Variants in PCDHGC5 observed in about 807,000 individuals in gnomAD.
The protein encoded by PCDHGC5 is protocadherin gamma-C5.
PCDHGC5 carries 25 observed loss-of-function variants against 59.0 expected under a neutral mutation model. That is an observed-to-expected ratio of 0.42 (90% CI 0.31 to 0.59). PCDHGC5 has a LOEUF of 0.59. Among genes scored for constraint, PCDHGC5 ranks in the 20% least tolerant of loss-of-function variants. PCDHGC5 has a pLI of 0.13. For missense variants in PCDHGC5, 1,067 were observed against 1,206.4 expected, an observed-to-expected ratio of 0.88 and a Z score of 1.71; for synonymous variants, 434 against 505.5, an observed-to-expected ratio of 0.86 and a Z score of 1.90.
chr5:141,506,109 A>G (rs1027886504), intron 3 of PCDHGC5, among the ~76,000 whole-genome samples: 5 of 152,126 alleles, frequency 3.3e-5, no homozygotes, highest in Middle Eastern at 3.2e-3. Flanking sequence ...GTCCCTGAAG[A>G]GTCACTAGGG....
At chr5:141,507,084 T>G (rs2099858284) in intron 3 of PCDHGC5, 1 of 152,142 alleles carries the variant, frequency 6.6e-6, no homozygotes, top group African/African-American at 2.4e-5. Flanking sequence ...ACTCCTAAGT[T>G]TATGCTCTTT....
intron 2 of PCDHGC5, among the ~76,000 whole-genome samples, chr5:141,498,949 AAGAG>A (rs1417276243): frequency 1.3e-4 from 18 of 133,552 alleles, no homozygotes; most frequent in African/African-American, 1.9e-4. Context: ...AAGAAAGAAA[AAGAG>A]AGAGAGGGAG....
Position 141,491,755 on chromosome 5 carries a change from G to A in PCDHGC5, c.2460+55G>A. On this transcript the variant is annotated intron_variant, in intron 1 of 3. Transcript: ENST00000252087. This position sits in a 1 kb window ranked among gnomAD's most constrained non-coding sequence, Gnocchi z 6.9. Reference sequence around the variant, plus strand: ...CCCTGGGGGCGGCACTGGAGAAGCCGCCCGTCCTCATAAGGGATTGAACTT... The same window carrying A: ...CCCTGGGGGCGGCACTGGAGAAGCCACCCGTCCTCATAAGGGATTGAACTT... 6 of 1,582,196 alleles carry A rather than the reference G, an allele frequency of 3.8e-6. No individual in the cohort carries two copies. The highest frequency in any genetic ancestry group is 5.1e-6 in the Non-Finnish European group (6 of 1,165,450).
At position 141,495,009 on chromosome 5, in the gene PCDHGC5, G is replaced by A; in HGVS notation, c.2519+144G>A. 6 of 1,518,622 alleles carry A rather than the reference G, an allele frequency of 4.0e-6. No homozygotes were observed. The South Asian group carries it at 6.2e-5, about 16-fold the overall frequency. The allele number at this position is 1,518,622 out of a possible 1,614,324, so 94.1% of individuals were successfully genotyped here. ...TCCCAGGGAGGTCTTGGTGTGCGGG[G>A]GGCTGGCACACAGACCCCGGAAGGA... is the stretch of plus-strand genomic sequence containing the variant. On this transcript the variant is annotated intron_variant, in intron 2 of 3. Coordinates refer to ENST00000252087, the MANE Select transcript of PCDHGC5 (RefSeq NM_018929.3).
Position 141,502,866 on chromosome 5 carries a change from C to CTTTTTTTTTTTTT in PCDHGC5, c.2520-2525_2520-2513dup, listed in dbSNP as rs549047197. ...GAGCTGCCTAACCCTGACTCTCTGT[C>CTTTTTTTTTTTTT]TTTTTTTTTTTTTTGACAGGGAGTC... On this transcript the variant is annotated intron_variant, in intron 2 of 3. Transcript: ENST00000252087. Among the ~76,000 whole-genome samples, 40 of 128,010 alleles carry CTTTTTTTTTTTTT rather than the reference C, an allele frequency of 3.1e-4. 6 individuals carry two copies. The highest frequency in any genetic ancestry group is 5.1e-4 in the Admixed American group (6 of 11,656). 84.0% of individuals were successfully genotyped at this position (128,010 alleles called of 152,430 possible). A position where few individuals can be genotyped will look rare whatever the true frequency, so the allele number is the denominator to read the frequency against.
chr5:141,495,839 A>G (rs2099764148), intron 2 of PCDHGC5, among the ~76,000 whole-genome samples: 1 of 150,756 alleles, frequency 6.6e-6, no homozygotes, highest in South Asian at 2.1e-4. Flanking sequence ...CCCAGCCTCT[A>G]TGTTTCTCTG....
chr5:141,496,993 C>G (rs981547671), intron 2 of PCDHGC5, among the ~76,000 whole-genome samples: 1 of 151,910 alleles, frequency 6.6e-6, no homozygotes, highest in South Asian at 2.1e-4. Flanking sequence ...TGAGACCAGC[C>G]TGGCAGCCAA....
rs143530538 is a variant in PCDHGC5 at position 141,490,323 on chromosome 5, G to A, written c.1083G>A (p.Glu361=). 18 of 1,614,102 alleles carry A rather than the reference G, an allele frequency of 1.1e-5. No individual in the cohort carries two copies. Among genetic ancestry groups the A allele is most frequent in the Non-Finnish European group, 1.4e-5 (17 of 1,180,056 alleles). ...LLASLANPVL[E]STPVGTVVGL... is the part of the protein sequence containing the mutation. ...CCTCTTTGGCCAACCCTGTCCTAGA[G>A]AGCACACCAGTGGGCACAGTAGTGG... Residue 361 remains glutamate, a synonymous_variant, in exon 1 of 4, where the codon GAG becomes GAA. Transcript: ENST00000252087. This position sits in a 1 kb window ranked among gnomAD's most constrained non-coding sequence, Gnocchi z 5.4.
Position 141,489,624 on chromosome 5 carries a change from C to T in PCDHGC5, c.384C>T (p.Asp128=). 1 of 1,614,088 alleles carries T rather than the reference C, an allele frequency of 6.2e-7. No homozygotes were observed. The change falls in exon 1 of 4, where the codon GAC becomes GAT. Residue 128 remains aspartate, a synonymous_variant. Transcript: ENST00000252087. The surrounding 1 kb of genome is among the most constrained non-coding windows in gnomAD (Gnocchi z 4.5). Reference sequence around the variant, plus strand: ...AGGTAGAGATCCTGGATCTCAATGACAACTCTCCTAGCTTTGCCACCCCTG... The same window carrying T: ...AGGTAGAGATCCTGGATCTCAATGATAACTCTCCTAGCTTTGCCACCCCTG... The part of the protein sequence containing the change: ...RVEVEILDLN[D]NSPSFATPER...
chr5:141,497,131 A>G (rs1269110126), intron 2 of PCDHGC5, among the ~76,000 whole-genome samples: 3 of 152,122 alleles, frequency 2.0e-5, no homozygotes, highest in Admixed American at 6.6e-5. Flanking sequence ...GGTTGCAGTG[A>G]GCTGAGATCA....
intron 2 of PCDHGC5, among the ~76,000 whole-genome samples, chr5:141,499,796 C>T (rs2099794539): frequency 6.6e-6 from 1 of 150,412 alleles, no homozygotes; most frequent in South Asian, 2.1e-4. Context: ...AAGCAATTCT[C>T]ATGCTTCAGC....
chr5:141,506,180 G>T (rs548366782), intron 3 of PCDHGC5, among the ~76,000 whole-genome samples: 44 of 152,294 alleles, frequency 2.9e-4, no homozygotes, highest in Non-Finnish European at 5.7e-4. Context: ...GCTGGGCGTG[G>T]TGGCTCACGC....
At position 141,512,346 on chromosome 5, in the gene PCDHGC5, G is replaced by A. The variant is rs1391003897; in HGVS notation, c.*1173G>A. ...CAGGCCATTCTTAGTCCCTGGGTTG[G>A]GGAGGCAGGGAGCTAGGGCAGGGAC... On this transcript the variant is annotated 3_prime_UTR_variant, in exon 4 of 4. Transcript: ENST00000252087. 6.5e-6 allele frequency: 1 copy of A among 152,876 alleles called. No individual in the cohort carries two copies. Among genetic ancestry groups the A allele is most frequent in the Non-Finnish European group, 1.5e-5 (1 of 68,232 alleles). 9.5% of individuals were successfully genotyped at this position (152,876 alleles called of 1,614,324 possible). A position where few individuals can be genotyped will look rare whatever the true frequency, so the allele number is the denominator to read the frequency against.
At chr5:141,494,305 C>T (rs544773836) in intron 1 of PCDHGC5, among the ~76,000 whole-genome samples, 1 of 152,346 alleles carries the variant, frequency 6.6e-6, no homozygotes, top group East Asian at 1.9e-4. Context: ...GAATGTGTCA[C>T]TGCACAACCT....
Position 141,490,526 on chromosome 5 carries a change from C to T in PCDHGC5, c.1286C>T (p.Ala429Val), listed in dbSNP as rs1270447529. 6.2e-7 allele frequency: 1 copy of T among 1,614,116 alleles called. No homozygotes were observed. Among genetic ancestry groups the T allele is most frequent in the Non-Finnish European group, 8.5e-7 (1 of 1,180,008 alleles). ...HYIIELLASD[A>V]GSPSLHKHLT... ...ATCATCGAGCTGCTGGCCAGCGATGCTGGTTCACCTTCCCTACACAAACAT... is the reference window on the plus strand; with the variant it reads ...ATCATCGAGCTGCTGGCCAGCGATGTTGGTTCACCTTCCCTACACAAACAT... The change falls in exon 1 of 4, where the codon GCT (alanine) becomes GTT (valine). Residue 429 changes from alanine (A) to valine (V), a missense_variant. Ala to Val is a moderately conservative substitution (Grantham distance 64). Coordinates refer to ENST00000252087, the MANE Select transcript of PCDHGC5 (RefSeq NM_018929.3). The surrounding 1 kb of genome is among the most constrained non-coding windows in gnomAD (Gnocchi z 5.4).
Position 141,499,370 on chromosome 5 carries a change from A to T in PCDHGC5, c.2519+4505A>T, listed in dbSNP as rs546430948. ...CATTCAACAAACAAATAGCAACTTA[A>T]TTTTTTTCCACTTATAAAATAGTAC... On this transcript the variant is annotated intron_variant, in intron 2 of 3. Coordinates refer to ENST00000252087, the MANE Select transcript of PCDHGC5 (RefSeq NM_018929.3). 2.0e-3 allele frequency among the ~76,000 whole-genome samples: 300 copies of T among 152,286 alleles called. 1 individual carries two copies. The highest frequency in any genetic ancestry group is 2.7e-3 in the Non-Finnish European group (184 of 68,028).
chr5:141,500,207 T>G (rs932015076), intron 2 of PCDHGC5, among the ~76,000 whole-genome samples: 2 of 150,136 alleles, frequency 1.3e-5, no homozygotes, highest in African/African-American at 4.9e-5. Context: ...TTTATTTATT[T>G]ATTTATTTAT....
At chr5:141,498,679 C>T (rs1454800332) in intron 2 of PCDHGC5, among the ~76,000 whole-genome samples, 1 of 152,170 alleles carries the variant, frequency 6.6e-6, no homozygotes, top group African/African-American at 2.4e-5. Flanking sequence ...CGCCTGTAAT[C>T]CCAGCACTTT....
Position 141,489,276 on chromosome 5 carries a change from A to G in PCDHGC5, c.36A>G (p.Lys12=). 6.4e-7 allele frequency: 1 copy of G among 1,556,122 alleles called. No homozygotes were observed. Among genetic ancestry groups the G allele is most frequent in the Non-Finnish European group, 8.7e-7 (1 of 1,151,562 alleles). The change falls in exon 1 of 4, where the codon AAA becomes AAG. Residue 12 remains lysine, a synonymous_variant. Coordinates refer to ENST00000252087, the MANE Select transcript of PCDHGC5 (RefSeq NM_018929.3). The surrounding 1 kb of genome is among the most constrained non-coding windows in gnomAD (Gnocchi z 4.5). ...AGACACTCCCACAGCTCGCTGGGAA[A>G]TGGCAAGTGCTGTGCATGTTGTCCT... ...GPKTLPQLAG[K]WQVLCMLSLC...
Sources: allele counts gnomAD v4.1 joint callset (sites outside exome capture counted in the v4.1 genomes callset), GRCh38; gene constraint gnomAD v4.1.1; non-coding constraint Gnocchi (gnomAD v3.1); transcripts MANE v1.5; gene names NCBI Gene and HGNC (gene_info 2026-07-23, HGNC 2026-07-21).